Variants in SLC10A1 observed in about 807,000 individuals in gnomAD.
The protein encoded by SLC10A1 is hepatic sodium/bile acid cotransporter.
A neutral mutation model predicts 20.5 loss-of-function variants in SLC10A1; 36 were observed. That is an observed-to-expected ratio of 1.75 (90% CI 1.34 to 2.32). SLC10A1 has a LOEUF of 2.32. Ranked by LOEUF, SLC10A1 falls within the 30% of genes most tolerant of loss-of-function variation. The pLI is 0.00. For synonymous variants in SLC10A1, 188 were observed against 163.6 expected (o/e 1.15, Z -1.14); for missense variants, 545 against 439.1 (o/e 1.24, Z -2.16).
At chr14:69,777,594 T>G (rs940578918) in intron 4 of SLC10A1, among the ~76,000 whole-genome samples, 2 of 99,360 alleles carry the variant, frequency 2.0e-5, no homozygotes, top group Non-Finnish European at 3.9e-5. Context: ...TTTTTTTTTT[T>G]TTTTTTTTTT....
chr14:69,786,966 T>C (rs1883731429), intron 1 of SLC10A1, among the ~76,000 whole-genome samples: 1 of 152,050 alleles, frequency 6.6e-6, no homozygotes, highest in Admixed American at 6.5e-5. Context: ...ACAGATACCA[T>C]GATTAAAAGG....
At position 69,778,242 on chromosome 14, in the gene SLC10A1, T is replaced by A. The variant is rs1236501226; in HGVS notation, c.943+91A>T. The A allele has an allele frequency of 4.6e-6, 5 of 1,088,032 alleles. No homozygotes were observed. The Admixed American group carries it at 1.2e-4, about 26-fold the overall frequency. 67.4% of individuals were successfully genotyped at this position (1,088,032 alleles called of 1,614,324 possible). ...TGACTTGATAAGAGTTAAAGCCCTA[T>A]CCAAAAAGTCCCTGCTAGAAACTTG... On this transcript the variant is annotated intron_variant, in intron 4 of 4. Coordinates refer to ENST00000216540, the MANE Select transcript of SLC10A1 (RefSeq NM_003049.4).
intron 1 of SLC10A1, among the ~76,000 whole-genome samples, chr14:69,788,895 G>A (rs1174147308): frequency 1.3e-5 from 2 of 152,164 alleles, no homozygotes; most frequent in African/African-American, 4.8e-5. Context: ...AGTAAAAAAT[G>A]GGCCAAGGAT....
intron 2 of SLC10A1, among the ~76,000 whole-genome samples, chr14:69,783,745 G>A (rs1883650821): frequency 6.6e-6 from 1 of 152,206 alleles, no homozygotes; most frequent in Non-Finnish European, 1.5e-5. Flanking sequence ...GAGGTTGGAT[G>A]AGAAGGCCAT....
chr14:69,796,850 C>A lies in SLC10A1; in HGVS notation c.306G>T (p.Gly102=). Residue 102 remains glycine, a synonymous_variant, in exon 1 of 5, where the codon GGG becomes GGT. Coordinates refer to ENST00000216540, the MANE Select transcript of SLC10A1 (RefSeq NM_003049.4). ...AILVCGCSPG[G]NLSNVFSLAM... ...CCAGACTGAAGACATTGGACAGGTT[C>A]CCTCCAGGTGAGCAGCCACAGACCA... 1 of 1,614,184 alleles carries A rather than the reference C, an allele frequency of 6.2e-7. No homozygotes were observed. Among genetic ancestry groups the A allele is most frequent in the Non-Finnish European group, 8.5e-7 (1 of 1,180,038 alleles).
At position 69,775,719 on chromosome 14, in the gene SLC10A1, G is replaced by T. The variant is rs1883430846; in HGVS notation, c.*563C>A. 1 of 152,070 alleles carries T rather than the reference G, an allele frequency of 6.6e-6. No individual in the cohort carries two copies. Among genetic ancestry groups the T allele is most frequent in the East Asian group, 1.9e-4 (1 of 5,192 alleles). 9.4% of individuals were successfully genotyped at this position (152,070 alleles called of 1,614,324 possible). A position where few individuals can be genotyped will look rare whatever the true frequency, so the allele number is the denominator to read the frequency against. ...ATTTCATTAGCTATTTTTTGAGTTT[G>T]TTTTGCCTGATTGCATCTTACTGTG... On this transcript the variant is annotated 3_prime_UTR_variant, in exon 5 of 5. Coordinates refer to ENST00000216540, the MANE Select transcript of SLC10A1 (RefSeq NM_003049.4).
intron 3 of SLC10A1, among the ~76,000 whole-genome samples, chr14:69,778,867 A>G (rs1388025435): frequency 6.6e-6 from 1 of 152,198 alleles, no homozygotes; most frequent in Non-Finnish European, 1.5e-5. Flanking sequence ...AGTGGGACCT[A>G]AAATAATACC....
chr14:69,780,357 C>T (rs572160009), intron 2 of SLC10A1, among the ~76,000 whole-genome samples: 5 of 149,504 alleles, frequency 3.3e-5, no homozygotes, highest in African/African-American at 7.6e-5. Context: ...TTAAGACTGT[C>T]CCTTTTATCT....
chr14:69,779,062 G>A, intron 3 of SLC10A1, 120 bp downstream of exon 3: 1 of 702,544 alleles, frequency 1.4e-6, no homozygotes. Flanking sequence ...TTGGGGGGCT[G>A]AGGCAGGAGG....
In SLC10A1 at chr14:69,776,238, T is replaced by C; in HGVS notation, c.*44A>G. The C allele has an allele frequency of 1.4e-6, 2 of 1,468,980 alleles. No homozygotes were observed. Among genetic ancestry groups the C allele is most frequent in the South Asian group, 2.3e-5 (2 of 86,612 alleles). 91.0% of individuals were successfully genotyped at this position (1,468,980 alleles called of 1,614,324 possible). On this transcript the variant is annotated 3_prime_UTR_variant, in exon 5 of 5. Coordinates refer to ENST00000216540, the MANE Select transcript of SLC10A1 (RefSeq NM_003049.4). ...TCTCTCTAGTTTACCACACTGGCTT[T>C]CAGAATTGCTTTGGGACCAGAATCC...
In SLC10A1 at chr14:69,775,585, G is replaced by C. The variant is rs1455318349; in HGVS notation, c.*697C>G. 6.6e-6 allele frequency: 1 copy of C among 152,170 alleles called. No individual in the cohort carries two copies. The highest frequency in any genetic ancestry group is 1.5e-5 in the Non-Finnish European group (1 of 68,022). The allele number at this position is 152,170 out of a possible 1,614,324, so 9.4% of individuals were successfully genotyped here. ...CCAAATACCTACTGAACTTAAAAAA[G>C]AGATTATTAGTGAGGTAACATTGTG... is the stretch of plus-strand genomic sequence containing the variant. On this transcript the variant is annotated 3_prime_UTR_variant, in exon 5 of 5. Coordinates refer to ENST00000216540, the MANE Select transcript of SLC10A1 (RefSeq NM_003049.4).
intron 2 of SLC10A1, 48 bp downstream of exon 2, chr14:69,786,049 G>A (rs373964756): frequency 4.7e-6 from 6 of 1,290,304 alleles, no homozygotes; most frequent in Non-Finnish European, 5.6e-6. Context: ...GTTGTATATG[G>A]TGTTTTTACT....
At chr14:69,777,347 A>T (rs1466521007) in intron 4 of SLC10A1, among the ~76,000 whole-genome samples, 1 of 152,116 alleles carries the variant, frequency 6.6e-6, no homozygotes, top group African/African-American at 2.4e-5. Flanking sequence ...TTGCAAAGGG[A>T]GAGAGAATCG....
chr14:69,784,685 C>G (rs1274772013), intron 2 of SLC10A1, among the ~76,000 whole-genome samples: 1 of 152,072 alleles, frequency 6.6e-6, no homozygotes, highest in African/African-American at 2.4e-5. Flanking sequence ...CGTATCAAAG[C>G]TGATTGTGAA....
intron 4 of SLC10A1, 63 bp from the exon 5 acceptor site, chr14:69,776,451 G>T: frequency 7.6e-7 from 1 of 1,320,948 alleles, no homozygotes; most frequent in Non-Finnish European, 1.1e-6. Flanking sequence ...AATGAAGCTT[G>T]TTTAATCTGG....
At chr14:69,784,680 C>T (rs1231251772) in intron 2 of SLC10A1, among the ~76,000 whole-genome samples, 7 of 152,076 alleles carry the variant, frequency 4.6e-5, no homozygotes. Context: ...GAGTTCGTAT[C>T]AAAGCTGATT....
At chr14:69,788,926 AAGAAGAT>A (rs1883784655) in intron 1 of SLC10A1, among the ~76,000 whole-genome samples, 1 of 152,232 alleles carries the variant, frequency 6.6e-6, no homozygotes, top group Admixed American at 6.5e-5. Flanking sequence ...TATTTTCCCA[AAGAAGAT>A]ATACAAATGG....
At chr14:69,778,264 C>A in intron 4 of SLC10A1, 69 bp downstream of exon 4, 1 of 1,361,288 alleles carries the variant, frequency 7.3e-7, no homozygotes, top group Admixed American at 2.3e-5. Flanking sequence ...CTGCTAGAAA[C>A]TTGCTTGTTG....
chr14:69,784,929 T>C (rs549038268), intron 2 of SLC10A1, among the ~76,000 whole-genome samples: 3 of 152,248 alleles, frequency 2.0e-5, no homozygotes, highest in Admixed American at 6.5e-5. Flanking sequence ...CAAAAACTAC[T>C]CTTGAGACAA....
Sources: allele counts gnomAD v4.1 joint callset (sites outside exome capture counted in the v4.1 genomes callset), GRCh38; gene constraint gnomAD v4.1.1; transcripts MANE v1.5; gene names NCBI Gene and HGNC (gene_info 2026-07-23, HGNC 2026-07-21).